The following LRRC46 variants were observed in gnomAD, a reference collection of about 807,000 sequenced individuals.
The protein encoded by LRRC46 is leucine rich repeat containing 46.
In LRRC46, 20 loss-of-function variants were observed where a neutral mutation model predicts 28.0. The ratio of observed to expected loss-of-function variants is 0.71; its 90% confidence interval spans 0.50 to 1.04. LRRC46 has a LOEUF of 1.04. LRRC46 is among the 50% of genes least tolerant of loss of function. The pLI is 0.00. For synonymous variants in LRRC46, 156 were observed against 158.8 expected (o/e 0.98, Z 0.13); for missense variants, 315 against 390.1 (o/e 0.81, Z 1.62).
In LRRC46 at chr17:47,836,078, G is replaced by C. The variant is rs769227158; in HGVS notation, c.428G>C (p.Ser143Thr). Residue 143 changes from serine (S) to threonine (T), a missense_variant, in exon 6 of 8, where the codon AGC becomes ACC. Physicochemically the swap from Ser to Thr is moderately conservative, Grantham distance 58. Transcript: ENST00000269025. The surrounding 1 kb of genome is among the most constrained non-coding windows in gnomAD (Gnocchi z 5.8). ...CTCATCCTCAACCTGTCTGGAAACA[G>C]CTGCACCAACCAGGATGGCTACCGG... ...SLLILNLSGN[S>T]CTNQDGYREL... 6.2e-7 allele frequency: 1 copy of C among 1,614,176 alleles called. No homozygotes were observed.
At chr17:47,834,897 T>G (rs1327638988) in intron 3 of LRRC46, 1 of 225,850 alleles carries the variant, frequency 4.4e-6, no homozygotes, top group Non-Finnish European at 8.7e-6. Flanking sequence ...TGAAGGCTGT[T>G]TGGTGGTGGT....
chr17:47,833,837 ACCT>A (rs2033664403), intron 2 of LRRC46: 1 of 668,524 alleles, frequency 1.5e-6, no homozygotes, highest in East Asian at 1.4e-4. Flanking sequence ...TGCAGCCTCG[ACCT>A]CCTGGGCTCG....
chr17:47,836,187 G>A lies in LRRC46; in HGVS notation c.452+85G>A. 6.3e-7 allele frequency: 1 copy of A among 1,582,630 alleles called. No individual in the cohort carries two copies. ...AGACCCCTCTCAGCCTGCAAACCTGGGGTCCTGTCCATGACACCTTCTCCC... is the reference window on the plus strand; with the variant it reads ...AGACCCCTCTCAGCCTGCAAACCTGAGGTCCTGTCCATGACACCTTCTCCC... On this transcript the variant is annotated intron_variant, in intron 6 of 7. Coordinates refer to ENST00000269025, the MANE Select transcript of LRRC46 (RefSeq NM_033413.4). This position sits in a 1 kb window ranked among gnomAD's most constrained non-coding sequence, Gnocchi z 5.8.
At position 47,836,531 on chromosome 17, in the gene LRRC46, G is replaced by A. The variant is rs559873633; in HGVS notation, c.595+56G>A. 6.3e-7 allele frequency: 1 copy of A among 1,589,368 alleles called. No individual in the cohort carries two copies. The highest frequency in any genetic ancestry group is 1.3e-5 in the African/African-American group (1 of 74,088). On this transcript the variant is annotated intron_variant, in intron 7 of 7. Coordinates refer to ENST00000269025, the MANE Select transcript of LRRC46 (RefSeq NM_033413.4). This position sits in a 1 kb window ranked among gnomAD's most constrained non-coding sequence, Gnocchi z 5.8. ...CCCAGAGCCCACCTCTGCCCTGTGG[G>A]ACATGAGGGAAGCTAAGGTGGCAGT...
In LRRC46 at chr17:47,831,829, A is replaced by T; in HGVS notation, c.-161A>T. 1.1e-6 allele frequency: 1 copy of T among 891,262 alleles called. No individual in the cohort carries two copies. Among genetic ancestry groups the T allele is most frequent in the Non-Finnish European group, 1.7e-6 (1 of 573,212 alleles). The allele number at this position is 891,262 out of a possible 1,614,324, so 55.2% of individuals were successfully genotyped here. ...TCAATTTACTGTTTTCTTCGACCTC[A>T]CCCCAGCAATTTTCTCTGAATCAAC... On this transcript the variant is annotated 5_prime_UTR_variant, in exon 1 of 8. Transcript: ENST00000269025.
At position 47,832,078 on chromosome 17, in the gene LRRC46, A is replaced by C. The variant is rs1171765828; in HGVS notation, c.11-22A>C. The stretch of plus-strand genomic sequence containing the variant: ...GCCTCCAAGAGTGAGGAAGTGTCAC[A>C]GTTGGACTCATCTTTTCACAGGGAA... On this transcript the variant is annotated intron_variant, in intron 1 of 7. Transcript: ENST00000269025. 5.6e-6 allele frequency: 9 copies of C among 1,613,130 alleles called. No homozygotes were observed. The Admixed American group carries it at 6.7e-5, about 12-fold the overall frequency.
Position 47,837,111 on chromosome 17 carries a change from C to T in LRRC46, c.957C>T (p.Ser319=). The change falls in exon 8 of 8, where the codon AGC becomes AGT. Residue 319 remains serine, a synonymous_variant. Transcript: ENST00000269025. Reference sequence around the variant, plus strand: ...CAACCAAAACTACGGCCAAGAGAAGCAAGAAATGATTCTCTGTCAACCTTT... The same window carrying T: ...CAACCAAAACTACGGCCAAGAGAAGTAAGAAATGATTCTCTGTCAACCTTT... ...PSTTKTTAKR[S]KK 1 of 1,603,464 alleles carries T rather than the reference C, an allele frequency of 6.2e-7. No homozygotes were observed. The highest frequency in any genetic ancestry group is 8.5e-7 in the Non-Finnish European group (1 of 1,177,540).
intron 3 of LRRC46, 138 bp downstream of exon 3, chr17:47,834,671 C>T (rs866004894): frequency 3.5e-5 from 21 of 601,014 alleles, no homozygotes; most frequent in East Asian, 3.1e-4. Flanking sequence ...CATTCCCAGA[C>T]GAATGACATA....
rs2033686616 is a variant in LRRC46 at position 47,835,760 on chromosome 17, G to C, written c.367G>C (p.Glu123Gln). ...TCTGGACCTTTCTGAGAACCTGATA[G>C]AAACATTGAAGCTGGGTAGGAACCC... ...QFLDLSENLI[E>Q]TLKLDEFPQS... Residue 123 changes from glutamate (E) to glutamine (Q), a missense_variant, in exon 5 of 8, where the codon GAA becomes CAA. Glu to Gln is a conservative substitution (Grantham distance 29). Transcript: ENST00000269025. 6.2e-7 allele frequency: 1 copy of C among 1,614,006 alleles called. No homozygotes were observed. The highest frequency in any genetic ancestry group is 8.5e-7 in the Non-Finnish European group (1 of 1,179,984).
At chr17:47,835,119 A>G (rs901555186) in intron 3 of LRRC46, 2 of 552,752 alleles carry the variant, frequency 3.6e-6, no homozygotes, top group Non-Finnish European at 6.5e-6. Flanking sequence ...GAATCAGAAG[A>G]GTATACGTAG....
chr17:47,831,674 G>A lies in LRRC46; in HGVS notation c.-316G>A. 4.2e-6 allele frequency: 3 copies of A among 709,950 alleles called. No individual in the cohort carries two copies. The highest frequency in any genetic ancestry group is 3.5e-5 in the South Asian group (2 of 57,136). The allele number at this position is 709,950 out of a possible 1,614,324, so 44.0% of individuals were successfully genotyped here. A position where few individuals can be genotyped will look rare whatever the true frequency, so the allele number is the denominator to read the frequency against. On this transcript the variant is annotated 5_prime_UTR_variant, in exon 1 of 8. Transcript: ENST00000269025. The stretch of plus-strand genomic sequence containing the variant: ...GGAGCCCGCCTTTACCTCCCCACTC[G>A]GCGTCCAGTCTCTTAGCAACGACTC...
intron 3 of LRRC46, chr17:47,834,959 G>C: frequency 4.4e-6 from 1 of 226,856 alleles, no homozygotes; most frequent in South Asian, 7.8e-5. Flanking sequence ...TTCCCAGCTC[G>C]CTTCAACTTT....
chr17:47,834,466 G>C lies in LRRC46; in HGVS notation c.158G>C (p.Arg53Pro). ...LDELQTVRLDREGITTIRNLE... is the reference protein window; with the variant it reads ...LDELQTVRLDPEGITTIRNLE... Reference sequence around the variant, plus strand: ...GAACTGCAGACTGTCCGCCTGGACCGGGAGGGGATTACTACTATCAGGAAC... The same window carrying C: ...GAACTGCAGACTGTCCGCCTGGACCCGGAGGGGATTACTACTATCAGGAAC... Residue 53 changes from arginine (R) to proline (P), a missense_variant, in exon 3 of 8, where the codon CGG becomes CCG. Arg to Pro is a moderately radical substitution (Grantham distance 103). Transcript: ENST00000269025. The C allele has an allele frequency of 1.2e-6, 2 of 1,613,630 alleles. No homozygotes were observed. Among genetic ancestry groups the C allele is most frequent in the Non-Finnish European group, 1.7e-6 (2 of 1,179,766 alleles).
rs774015923 is a variant in LRRC46, at chr17:47,835,657, C to A, written c.273-9C>A. 1.2e-6 allele frequency: 2 copies of A among 1,612,498 alleles called. No individual in the cohort carries two copies. Among genetic ancestry groups the A allele is most frequent in the South Asian group, 2.2e-5 (2 of 91,054 alleles). Reference sequence around the variant, plus strand: ...AGCTCTGCCTCTGTACCCCTTCCTTCCCCTACAGCTTCCTGTCTCTGGCAG... The same window carrying A: ...AGCTCTGCCTCTGTACCCCTTCCTTACCCTACAGCTTCCTGTCTCTGGCAG... On this transcript the variant is annotated splice_polypyrimidine_tract_variant and intron_variant, in intron 4 of 7. Coordinates refer to ENST00000269025, the MANE Select transcript of LRRC46 (RefSeq NM_033413.4).
At chr17:47,835,986 C>G in intron 5 of LRRC46, 47 bp from the exon 6 acceptor site, 2 of 1,601,420 alleles carry the variant, frequency 1.2e-6, no homozygotes, top group South Asian at 1.1e-5. Flanking sequence ...GGTCTTTTGG[C>G]TAAGATCAAG....
At position 47,835,259 on chromosome 17, in the gene LRRC46, C is replaced by T. The variant is rs779221617; in HGVS notation, c.226-94C>T. ...TCCCAAAGTGCCAGATCTCCAGCTG[C>T]AGAGTAGACATGGTCTTGGGGCTTT... On this transcript the variant is annotated intron_variant, in intron 3 of 7. Coordinates refer to ENST00000269025, the MANE Select transcript of LRRC46 (RefSeq NM_033413.4). 5.5e-6 allele frequency: 7 copies of T among 1,275,872 alleles called. No individual in the cohort carries two copies. The South Asian group carries it at 5.9e-5, about 11-fold the overall frequency. 79.0% of individuals were successfully genotyped at this position (1,275,872 alleles called of 1,614,324 possible). A position where few individuals can be genotyped will look rare whatever the true frequency, so the allele number is the denominator to read the frequency against.
chr17:47,836,549 G>T lies in LRRC46; in HGVS notation c.595+74G>T, dbSNP rs1470654662. The T allele has an allele frequency of 5.7e-6, 9 of 1,571,914 alleles. No individual in the cohort carries two copies. Among genetic ancestry groups the T allele is most frequent in the African/African-American group, 1.4e-5 (1 of 73,584 alleles). Reference sequence around the variant, plus strand: ...CCTGTGGGACATGAGGGAAGCTAAGGTGGCAGTGGCGTCCGGGGAGGGGAG... The same window carrying T: ...CCTGTGGGACATGAGGGAAGCTAAGTTGGCAGTGGCGTCCGGGGAGGGGAG... On this transcript the variant is annotated intron_variant, in intron 7 of 7. Coordinates refer to ENST00000269025, the MANE Select transcript of LRRC46 (RefSeq NM_033413.4). The surrounding 1 kb of genome is among the most constrained non-coding windows in gnomAD (Gnocchi z 5.8).
intron 2 of LRRC46, 65 bp downstream of exon 2, chr17:47,832,270 A>G (rs1598042723): frequency 5.0e-6 from 6 of 1,198,494 alleles, no homozygotes; most frequent in Admixed American, 4.7e-5. Context: ...CAGGTCCCTG[A>G]CGTGTACTGA....
In LRRC46 at chr17:47,831,879, C is replaced by CT. The variant is rs1310670220; in HGVS notation, c.-110dup. The CT allele has an allele frequency of 1.2e-5, 17 of 1,436,706 alleles. No individual in the cohort carries two copies. The African/African-American group carries it at 1.6e-4, about 13-fold the overall frequency. 89.0% of individuals were successfully genotyped at this position (1,436,706 alleles called of 1,614,324 possible). On this transcript the variant is annotated 5_prime_UTR_variant, in exon 1 of 8. Coordinates refer to ENST00000269025, the MANE Select transcript of LRRC46 (RefSeq NM_033413.4). ...CCCCCTTTCCTCCTCTCCTAAGTCT[C>CT]TGAGTTTCTCTCTCCTCCTGCCATC...
Sources: allele counts gnomAD v4.1 joint callset, GRCh38; gene constraint gnomAD v4.1.1; non-coding constraint Gnocchi (gnomAD v3.1); transcripts MANE v1.5; gene names NCBI Gene and HGNC (gene_info 2026-07-23, HGNC 2026-07-21).